IL1RAPL2: variants seen among roughly 807,000 people sequenced by gnomAD.
IL1RAPL2 encodes X-linked interleukin-1 receptor accessory protein-like 2.
Under a neutral mutation model 44.1 loss-of-function variants are expected in IL1RAPL2, and 3 were observed. That is an observed-to-expected ratio of 0.07 (90% CI 0.03 to 0.18). The LOEUF (loss-of-function observed/expected upper bound fraction) is 0.18. IL1RAPL2 is among the 10% of genes least tolerant of loss of function. The pLI is 1.00. For missense variants in IL1RAPL2, 391 were observed against 496.4 expected, an observed-to-expected ratio of 0.79 and a Z score of 2.02; for synonymous variants, 181 against 178.8, an observed-to-expected ratio of 1.01 and a Z score of -0.10.
intron 2 of IL1RAPL2, among the ~76,000 whole-genome samples, chrX:104,688,957 A>G (rs1003514708): frequency 9.0e-6 from 1 of 111,709 alleles, no homozygotes; most frequent in Non-Finnish European, 1.9e-5. Context: ...CCAATTAGCC[A>G]TATCTATGGG....
intron 2 of IL1RAPL2, among the ~76,000 whole-genome samples, chrX:104,808,082 T>C (rs1396142836): frequency 8.9e-6 from 1 of 111,987 alleles, no homozygotes; most frequent in Non-Finnish European, 1.9e-5. Flanking sequence ...AATCTCAGAG[T>C]TGAAAGGAAC....
intron 2 of IL1RAPL2, among the ~76,000 whole-genome samples, chrX:104,907,321 C>T (rs746160485): frequency 1.9e-4 from 21 of 110,626 alleles, no homozygotes; most frequent in East Asian, 2.8e-4. Context: ...GCTTTGATTT[C>T]AGTTATTTCT....
At chrX:105,047,739 A>T (rs1004107361) in intron 2 of IL1RAPL2, among the ~76,000 whole-genome samples, 12 of 111,902 alleles carry the variant, frequency 1.1e-4, no homozygotes, top group Non-Finnish European at 2.1e-4. Context: ...CCTCTGATTC[A>T]ATATTCATAC....
At chrX:105,280,182 G>T (rs2147663173) in intron 5 of IL1RAPL2, among the ~76,000 whole-genome samples, 1 of 111,977 alleles carries the variant, frequency 8.9e-6, no homozygotes, top group Non-Finnish European at 1.9e-5. Flanking sequence ...ATGGGGAAAA[G>T]ATTCCCTATT....
At chrX:105,689,761 A>G (rs949309661) in intron 6 of IL1RAPL2, among the ~76,000 whole-genome samples, 7 of 112,263 alleles carry the variant, frequency 6.2e-5, no homozygotes, top group African/African-American at 2.3e-4. Context: ...GTAAAGACAC[A>G]TGCACACGTA....
intron 2 of IL1RAPL2, among the ~76,000 whole-genome samples, chrX:104,857,542 C>T (rs892440430): frequency 5.4e-5 from 6 of 111,920 alleles, no homozygotes; most frequent in Non-Finnish European, 1.1e-4. Flanking sequence ...TAATGAGATT[C>T]CCATAAAGTG....
intron 2 of IL1RAPL2, among the ~76,000 whole-genome samples, chrX:104,943,596 C>T (rs1925258793): frequency 9.0e-6 from 1 of 111,059 alleles, no homozygotes; most frequent in South Asian, 3.8e-4. Context: ...ATGTTCATCC[C>T]CTGATATGCA....
At chrX:105,643,129 C>T in intron 6 of IL1RAPL2, among the ~76,000 whole-genome samples, 1 of 111,932 alleles carries the variant, frequency 8.9e-6, no homozygotes, top group Non-Finnish European at 1.9e-5. Context: ...TGTAAGCTGG[C>T]ATAACTGGTG....
intron 3 of IL1RAPL2, among the ~76,000 whole-genome samples, chrX:105,197,954 C>T (rs920524735): frequency 9.0e-6 from 1 of 111,275 alleles, no homozygotes; most frequent in African/African-American, 3.3e-5. Flanking sequence ...TCTGTTGTTT[C>T]CTTCTTTGTA....
At chrX:104,776,445 AAC>A (rs1253547795) in intron 2 of IL1RAPL2, among the ~76,000 whole-genome samples, 2 of 112,095 alleles carry the variant, frequency 1.8e-5, no homozygotes, top group Non-Finnish European at 3.8e-5. Context: ...ACCTTGGACC[AAC>A]ACTTAAGCTT....
intron 4 of IL1RAPL2, among the ~76,000 whole-genome samples, chrX:105,264,607 C>T (rs2034387171): frequency 9.0e-6 from 1 of 111,614 alleles, no homozygotes; most frequent in South Asian, 3.8e-4. Context: ...TTAGTGGAGG[C>T]AGGATGGGAA....
At chrX:104,643,756 GATCAGTGAGGAGAAAATATTAA>G (rs1339579629) in intron 1 of IL1RAPL2, among the ~76,000 whole-genome samples, 3 of 111,229 alleles carry the variant, frequency 2.7e-5, no homozygotes, top group African/African-American at 9.8e-5. Context: ...TATGGTTATT[GATCAGTGAGGAGAAAATATTAA>G]ATCATTAATA....
intron 7 of IL1RAPL2, among the ~76,000 whole-genome samples, chrX:105,732,788 A>G (rs1006390946): frequency 1.8e-5 from 2 of 111,737 alleles, no homozygotes; most frequent in Non-Finnish European, 3.8e-5. Context: ...GTGCTGGTGC[A>G]TGATAATGGA....
chrX:104,720,159 A>G (rs997846683), intron 2 of IL1RAPL2, among the ~76,000 whole-genome samples: 4 of 111,577 alleles, frequency 3.6e-5, no homozygotes, highest in African/African-American at 9.8e-5. Context: ...ATCTTAAAAC[A>G]ATGCATCAGA....
At chrX:105,035,132 G>A (rs2147755534) in intron 2 of IL1RAPL2, among the ~76,000 whole-genome samples, 1 of 111,586 alleles carries the variant, frequency 9.0e-6, no homozygotes, top group East Asian at 2.9e-4. Context: ...TTTTCCAGGT[G>A]CCGTCTGTCA....
intron 2 of IL1RAPL2, among the ~76,000 whole-genome samples, chrX:105,186,641 C>T (rs1328783453): frequency 1.8e-5 from 2 of 111,651 alleles, no homozygotes; most frequent in Non-Finnish European, 3.8e-5. Context: ...CATGGAATCA[C>T]GAGTTCTGGA....
At chrX:104,812,773 G>C (rs1921029631) in intron 2 of IL1RAPL2, among the ~76,000 whole-genome samples, 1 of 111,114 alleles carries the variant, frequency 9.0e-6, no homozygotes, top group Admixed American at 9.6e-5. Context: ...GTGTTGAATG[G>C]GGCCACAATA....
intron 1 of IL1RAPL2, among the ~76,000 whole-genome samples, chrX:104,574,012 CA>C (rs1928198060): frequency 9.0e-6 from 1 of 111,303 alleles, no homozygotes; most frequent in Non-Finnish European, 1.9e-5. Context: ...TAAAGACACT[CA>C]AAGATATTTT....
chrX:105,166,048 T>C (rs1237747248), intron 2 of IL1RAPL2, among the ~76,000 whole-genome samples: 1 of 112,045 alleles, frequency 8.9e-6, no homozygotes, highest in Non-Finnish European at 1.9e-5. Context: ...GATGGGTTAC[T>C]TAATCCTCAG....
Sources: gnomAD v4.1 joint callset for allele counts (sites outside exome capture counted in the v4.1 genomes callset) on GRCh38, gnomAD v4.1.1 for gene constraint, MANE v1.5 for transcripts, NCBI Gene and HGNC (gene_info 2026-07-23, HGNC 2026-07-21) for gene names.